The following AP1AR variants were observed in gnomAD, a reference collection of about 807,000 sequenced individuals.
AP1AR encodes adaptor related protein complex 1 associated regulatory protein, also known as AP-1 complex-associated regulatory protein.
AP1AR carries 29 observed loss-of-function variants against 46.3 expected under a neutral mutation model. The ratio of observed to expected loss-of-function variants is 0.63; its 90% confidence interval spans 0.47 to 0.85. AP1AR has a LOEUF of 0.85. AP1AR is among the 40% of genes least tolerant of loss of function. The pLI, the probability that AP1AR is intolerant of heterozygous loss-of-function variation, is 0.00. For synonymous variants in AP1AR, 122 were observed against 122.9 expected, an observed-to-expected ratio of 0.99 and a Z score of 0.05; for missense variants, 357 against 356.3, an observed-to-expected ratio of 1.00 and a Z score of -0.02.
In AP1AR at chr4:112,232,033, C is replaced by T; in HGVS notation, c.-59C>T. On this transcript the variant is annotated 5_prime_UTR_variant, in exon 1 of 10. Transcript: ENST00000274000. The stretch of plus-strand genomic sequence containing the variant: ...TGCCGTGCGGATGCAGCTGCCGGGC[C>T]TGGGTTTGGGCATTGAGCGGGAGGA... 1 of 1,316,554 alleles carries T rather than the reference C, an allele frequency of 7.6e-7. No homozygotes were observed. Among genetic ancestry groups the T allele is most frequent in the Non-Finnish European group, 9.8e-7 (1 of 1,023,134 alleles). The allele number at this position is 1,316,554 out of a possible 1,614,324, so 81.6% of individuals were successfully genotyped here.
At chr4:112,239,137 C>G (rs536757269) in intron 1 of AP1AR, among the ~76,000 whole-genome samples, 1 of 152,250 alleles carries the variant, frequency 6.6e-6, no homozygotes, top group African/African-American at 2.4e-5. Flanking sequence ...GTTCTACCCT[C>G]CTGATACGCC....
intron 1 of AP1AR, among the ~76,000 whole-genome samples, chr4:112,234,185 A>T (rs1474662539): frequency 6.6e-6 from 1 of 152,208 alleles, no homozygotes; most frequent in African/African-American, 2.4e-5. Context: ...CTTATCTGAA[A>T]TACTTGCTTT....
rs183453910 is a variant in AP1AR, at chr4:112,259,914, G to A, written c.186-852G>A. 1.5e-4 allele frequency among the ~76,000 whole-genome samples: 23 copies of A among 152,234 alleles called. No homozygotes were observed. The East Asian group carries it at 4.1e-3, about 27-fold the overall frequency. On this transcript the variant is annotated intron_variant, in intron 4 of 9. Transcript: ENST00000274000. Reference sequence around the variant, plus strand: ...CACAAAGTTGGGGCGATTCATGGTTGATACTCCTCATTTCTTAAAGTGGAG... The same window carrying A: ...CACAAAGTTGGGGCGATTCATGGTTAATACTCCTCATTTCTTAAAGTGGAG...
chr4:112,247,023 G>A (rs1725753719), intron 1 of AP1AR, among the ~76,000 whole-genome samples: 1 of 152,172 alleles, frequency 6.6e-6, no homozygotes, highest in South Asian at 2.1e-4. Flanking sequence ...GATCCATGAT[G>A]TATTGTTTGT....
At chr4:112,247,949 C>CAGAT (rs1725793915) in intron 1 of AP1AR, among the ~76,000 whole-genome samples, 2 of 152,114 alleles carry the variant, frequency 1.3e-5, no homozygotes, top group African/African-American at 4.8e-5. Context: ...TCCTAACTTA[C>CAGAT]AGATCATCAG....
At chr4:112,244,854 A>G (rs184545498) in intron 1 of AP1AR, among the ~76,000 whole-genome samples, 321 of 152,304 alleles carry the variant, frequency 2.1e-3, no homozygotes, top group Non-Finnish European at 3.2e-3. Context: ...AATGAAATTA[A>G]TTTGAGATTC....
intron 1 of AP1AR, among the ~76,000 whole-genome samples, chr4:112,237,146 T>TG: frequency 6.6e-6 from 1 of 152,230 alleles, no homozygotes; most frequent in East Asian, 1.9e-4. Flanking sequence ...CTTGCCCTGT[T>TG]GCCCAAGCTG....
rs868196345 is a variant in AP1AR, at chr4:112,232,356, G to A, written c.83+182G>A. Reference sequence around the variant, plus strand: ...GGCCCAGTCTGGGGTCCGGTCTTGGGGCCTCCTCGGAAAGAGGTAGAAGAG... The same window carrying A: ...GGCCCAGTCTGGGGTCCGGTCTTGGAGCCTCCTCGGAAAGAGGTAGAAGAG... On this transcript the variant is annotated intron_variant, in intron 1 of 9. Coordinates refer to ENST00000274000, the MANE Select transcript of AP1AR (RefSeq NM_018569.6). 4.6e-5 allele frequency among the ~76,000 whole-genome samples: 7 copies of A among 152,342 alleles called. No individual in the cohort carries two copies. In the South Asian group the frequency reaches 1.2e-3, roughly 27 times the overall value.
At chr4:112,234,919 A>G (rs182860242) in intron 1 of AP1AR, among the ~76,000 whole-genome samples, 4 of 152,308 alleles carry the variant, frequency 2.6e-5, no homozygotes, top group African/African-American at 9.6e-5. Context: ...AAATCTGAAA[A>G]TCAGATCACT....
intron 1 of AP1AR, among the ~76,000 whole-genome samples, chr4:112,250,976 G>T (rs1369184267): frequency 1.3e-5 from 2 of 152,314 alleles, no homozygotes; most frequent in Middle Eastern, 6.8e-3. Context: ...GGTAGAATTT[G>T]TAATAGGGAT....
intron 4 of AP1AR, among the ~76,000 whole-genome samples, chr4:112,258,456 C>T (rs1394722649): frequency 5.3e-5 from 8 of 152,120 alleles, no homozygotes; most frequent in Admixed American, 1.3e-4. Flanking sequence ...GATAGATTCT[C>T]GAGATGACTA....
chr4:112,259,865 T>A (rs4834249), intron 4 of AP1AR, among the ~76,000 whole-genome samples: 87,784 of 151,834 alleles, frequency 0.58, 26,376 homozygotes, highest in African/African-American at 0.75. Context: ...ATAGGAAGGA[T>A]ATATGTAAGT....
At chr4:112,262,580 G>A (rs919935580) in intron 5 of AP1AR, among the ~76,000 whole-genome samples, 1 of 152,196 alleles carries the variant, frequency 6.6e-6, no homozygotes, top group Admixed American at 6.5e-5. Flanking sequence ...CATGAATTTT[G>A]TGAAAGCTGA....
intron 2 of AP1AR, among the ~76,000 whole-genome samples, chr4:112,254,167 C>T (rs945258066): frequency 6.6e-6 from 1 of 152,054 alleles, no homozygotes; most frequent in Admixed American, 6.5e-5. Flanking sequence ...ATAGTAATGA[C>T]TTTTATTAGG....
intron 5 of AP1AR, among the ~76,000 whole-genome samples, chr4:112,261,211 T>G (rs975290789): frequency 2.0e-5 from 3 of 152,208 alleles, no homozygotes; most frequent in Non-Finnish European, 4.4e-5. Flanking sequence ...GGCAGACAGA[T>G]TGCTTGAGCC....
rs1726251753 is a variant in AP1AR at position 112,257,641 on chromosome 4, G to A, written c.160-131G>A. ...TTTTAATAGTGAAATATATTTAATA[G>A]TGAAATGTATTTACTCTGATAAAAA... On this transcript the variant is annotated intron_variant, in intron 3 of 9. Coordinates refer to ENST00000274000, the MANE Select transcript of AP1AR (RefSeq NM_018569.6). The A allele has an allele frequency of 9.8e-6, 6 of 613,536 alleles. No homozygotes were observed. The East Asian group carries it at 1.8e-4, about 18-fold the overall frequency. 38.0% of individuals were successfully genotyped at this position (613,536 alleles called of 1,614,324 possible). A position where few individuals can be genotyped will look rare whatever the true frequency, so the allele number is the denominator to read the frequency against.
rs780640576 is a variant in AP1AR at position 112,268,334 on chromosome 4, T to TTGTTGCTATACTTAA, written c.834_835insTGTTGCTATACTTAA (p.Ser278_Gly279insCysCysTyrThrTer). 1 of 1,613,096 alleles carries TTGTTGCTATACTTAA rather than the reference T, an allele frequency of 6.2e-7. No individual in the cohort carries two copies. The highest frequency in any genetic ancestry group is 8.5e-7 in the Non-Finnish European group (1 of 1,179,300). On this transcript the variant is annotated stop_gained and inframe_insertion, in exon 10 of 10. Transcript: ENST00000274000. LOFTEE classifies it high-confidence loss of function. The stretch of plus-strand genomic sequence containing the variant: ...ATGATAATGGAAATTCCGAGTATTC[T>TTGTTGCTATACTTAA]GGATTTGTAAATCCTGTATTAGAAC...
intron 2 of AP1AR, 63 bp from the exon 3 acceptor site, chr4:112,254,684 T>C: frequency 9.5e-7 from 1 of 1,048,334 alleles, no homozygotes; most frequent in Non-Finnish European, 1.4e-6. Flanking sequence ...GTAACATAAT[T>C]TCTTGTGAGA....
At chr4:112,259,603 A>G (rs1726352677) in intron 4 of AP1AR, among the ~76,000 whole-genome samples, 1 of 152,192 alleles carries the variant, frequency 6.6e-6, no homozygotes, top group African/African-American at 2.4e-5. Flanking sequence ...AGATAGATAC[A>G]GGTCAAATGG....
Sources: gnomAD v4.1 joint callset for allele counts (sites outside exome capture counted in the v4.1 genomes callset) on GRCh38, gnomAD v4.1.1 for gene constraint, MANE v1.5 for transcripts, NCBI Gene and HGNC (gene_info 2026-07-23, HGNC 2026-07-21) for gene names.